HS6ST3: variants seen among roughly 807,000 people sequenced by gnomAD.
HS6ST3 encodes the protein heparan-sulfate 6-O-sulfotransferase 3.
A neutral mutation model predicts 36.7 loss-of-function variants in HS6ST3; 12 were observed. The ratio of observed to expected loss-of-function variants is 0.33; its 90% CI spans 0.21 to 0.53. The LOEUF (loss-of-function observed/expected upper bound fraction) is 0.53, where lower values mean the gene tolerates loss of function less well. HS6ST3 is among the 20% of genes least tolerant of loss of function. The probability of loss-of-function intolerance (pLI) is 0.95; values close to 1 mark genes in which losing one functional copy is unlikely to be tolerated. For missense variants in HS6ST3, 584 were observed against 640.9 expected (o/e 0.91, Z 0.96); for synonymous variants, 240 against 257.5 (o/e 0.93, Z 0.65).
intron 1 of HS6ST3, among the ~76,000 whole-genome samples, chr13:96,394,242 A>G (rs572533789): frequency 1.3e-5 from 2 of 151,264 alleles, no homozygotes; most frequent in South Asian, 2.1e-4. Flanking sequence ...TGTGGCCCTT[A>G]CTGCCTACTG....
chr13:96,546,692 G>A (rs577182549), intron 1 of HS6ST3, among the ~76,000 whole-genome samples: 5 of 152,172 alleles, frequency 3.3e-5, no homozygotes, highest in South Asian at 2.1e-4. Flanking sequence ...TCGTAGGGGT[G>A]TGTTAAAAAT....
At chr13:96,489,078 G>C (rs563298628) in intron 1 of HS6ST3, among the ~76,000 whole-genome samples, 6 of 152,032 alleles carry the variant, frequency 3.9e-5, no homozygotes, top group Non-Finnish European at 7.4e-5. Context: ...ACATTGTAAT[G>C]GGCATGTTAA....
chr13:96,665,884 G>C (rs529815419), intron 1 of HS6ST3, among the ~76,000 whole-genome samples: 1 of 152,278 alleles, frequency 6.6e-6, no homozygotes, highest in South Asian at 2.1e-4. Flanking sequence ...CACAGGACTT[G>C]ATTGGCCCAA....
chr13:96,758,085 GT>G (rs543178123), intron 1 of HS6ST3, among the ~76,000 whole-genome samples: 12 of 151,870 alleles, frequency 7.9e-5, no homozygotes, highest in Non-Finnish European at 1.5e-5. Context: ...TTATGGAGAT[GT>G]TTTTTATTAT....
intron 1 of HS6ST3, among the ~76,000 whole-genome samples, chr13:96,332,640 T>C (rs962009037): frequency 4.6e-5 from 7 of 152,250 alleles, no homozygotes; most frequent in African/African-American, 1.4e-4. Flanking sequence ...GAAAAAGTAC[T>C]GCTCAATCTG....
intron 1 of HS6ST3, among the ~76,000 whole-genome samples, chr13:96,710,503 A>G (rs959256800): frequency 6.6e-5 from 10 of 152,282 alleles, no homozygotes; most frequent in Non-Finnish European, 5.9e-5. Context: ...CACAAGTAAC[A>G]GTAGATTTTC....
At chr13:96,468,692 TA>T (rs528899576) in intron 1 of HS6ST3, among the ~76,000 whole-genome samples, 13 of 152,282 alleles carry the variant, frequency 8.5e-5, no homozygotes, top group Admixed American at 7.8e-4. Flanking sequence ...AAGAGAAATC[TA>T]CTATACGTAT....
At chr13:96,742,959 G>T (rs577420229) in intron 1 of HS6ST3, among the ~76,000 whole-genome samples, 4 of 152,126 alleles carry the variant, frequency 2.6e-5, no homozygotes, top group Non-Finnish European at 4.4e-5. Context: ...AGTTCAGATT[G>T]TCAGTGTTGG....
At chr13:96,327,411 T>C (rs1277236193) in intron 1 of HS6ST3, among the ~76,000 whole-genome samples, 1 of 152,262 alleles carries the variant, frequency 6.6e-6, no homozygotes, top group Non-Finnish European at 1.5e-5. Flanking sequence ...TAGCCAGTTT[T>C]CCAAGCACCA....
chr13:96,617,389 GTTAC>G lies in HS6ST3; in HGVS notation c.708-215097_708-215094del, dbSNP rs2056478415. Among the ~76,000 whole-genome samples the G allele has an allele frequency of 2.0e-5, 3 of 152,252 alleles. No homozygotes were observed. The South Asian group carries it at 6.2e-4, about 32-fold the overall frequency. ...ATATTCATCTGTTATGTTAACTACA[GTTAC>G]TTAATAGTTTTAAACTGTGCAATAG... On this transcript the variant is annotated intron_variant, in intron 1 of 1. Coordinates refer to ENST00000376705, the MANE Select transcript of HS6ST3 (RefSeq NM_153456.4).
chr13:96,586,313 T>A (rs1032379305), intron 1 of HS6ST3, among the ~76,000 whole-genome samples: 5 of 152,030 alleles, frequency 3.3e-5, no homozygotes, highest in South Asian at 4.2e-4. Flanking sequence ...TTTTTTTTTT[T>A]AAGATGATGT....
intron 1 of HS6ST3, among the ~76,000 whole-genome samples, chr13:96,670,711 T>C (rs1234715793): frequency 6.6e-6 from 1 of 152,170 alleles, no homozygotes; most frequent in Admixed American, 6.6e-5. Flanking sequence ...TTTTTATATT[T>C]TTGAATTAAA....
rs533398689 is a variant in HS6ST3 at position 96,173,750 on chromosome 13, T to C, written c.707+82181T>C. Among the ~76,000 whole-genome samples the C allele has an allele frequency of 7.2e-5, 11 of 151,944 alleles. 1 individual carries two copies. In the South Asian group the frequency reaches 2.1e-3, roughly 29 times the overall value. On this transcript the variant is annotated intron_variant, in intron 1 of 1. Transcript: ENST00000376705. ...TTCAAGAAAGAGAGATCATTTTCAT[T>C]TTAATTGGTGCCTAGTAAATAAGAA...
At chr13:96,451,033 C>A (rs986968) in intron 1 of HS6ST3, among the ~76,000 whole-genome samples, 104,181 of 151,954 alleles carry the variant, frequency 0.69, 37,481 homozygotes, top group African/African-American at 0.91. Flanking sequence ...AGCTAGACCT[C>A]AGCTAGTTTA....
At chr13:96,559,094 CTATCTATCT>C in intron 1 of HS6ST3, among the ~76,000 whole-genome samples, 2 of 148,778 alleles carry the variant, frequency 1.3e-5, no homozygotes, top group Non-Finnish European at 3.0e-5. Flanking sequence ...ATCTATCTAT[CTATCTATCT>C]ATCTATCTAT....
At chr13:96,524,696 G>A (rs1001609204) in intron 1 of HS6ST3, among the ~76,000 whole-genome samples, 2 of 152,194 alleles carry the variant, frequency 1.3e-5, no homozygotes, top group Admixed American at 6.5e-5. Context: ...CAGGCCGGTT[G>A]CAAAGACTGT....
intron 1 of HS6ST3, among the ~76,000 whole-genome samples, chr13:96,551,951 C>T (rs142560609): frequency 5.3e-5 from 8 of 152,162 alleles, no homozygotes; most frequent in Non-Finnish European, 1.0e-4. Context: ...AATTTCTCTT[C>T]TCTGGGAGAA....
chr13:96,585,665 G>A (rs921000294), intron 1 of HS6ST3, among the ~76,000 whole-genome samples: 1 of 152,122 alleles, frequency 6.6e-6, no homozygotes, highest in African/African-American at 2.4e-5. Flanking sequence ...AGTTCTGTGA[G>A]ATCAACATTT....
intron 1 of HS6ST3, among the ~76,000 whole-genome samples, chr13:96,722,128 T>C (rs1053096384): frequency 1.3e-5 from 2 of 152,080 alleles, no homozygotes; most frequent in African/African-American, 4.8e-5. Flanking sequence ...TAGCCAGGCG[T>C]GCTGGTGGGT....
Sources: allele counts gnomAD v4.1 joint callset (sites outside exome capture counted in the v4.1 genomes callset), GRCh38; gene constraint gnomAD v4.1.1; transcripts MANE v1.5; gene names NCBI Gene and HGNC (gene_info 2026-07-23, HGNC 2026-07-21).